Variants in SEMA3A observed in about 807,000 individuals in gnomAD.
SEMA3A encodes the protein semaphorin 3A, also known as semaphorin-3A.
SEMA3A carries 29 observed loss-of-function variants against 97.9 expected under a neutral mutation model. The ratio of observed to expected loss-of-function variants is 0.30; its 90% CI spans 0.22 to 0.40. The LOEUF is 0.40. Among genes scored for constraint, SEMA3A ranks in the 10% least tolerant of loss-of-function variants. The pLI is 1.00. For synonymous variants in SEMA3A, 321 were observed against 323.7 expected (o/e 0.99, Z 0.09); for missense variants, 763 against 951.3 (o/e 0.80, Z 2.60).
At chr7:84,059,215 G>GTT (rs1486262532) in intron 5 of SEMA3A, among the ~76,000 whole-genome samples, 1 of 152,128 alleles carries the variant, frequency 6.6e-6, no homozygotes, top group Non-Finnish European at 1.5e-5. Context: ...TAGGAAAATT[G>GTT]TAAGTGTGCT....
chr7:84,095,327 T>C (rs1013073592), intron 4 of SEMA3A, among the ~76,000 whole-genome samples: 3 of 142,306 alleles, frequency 2.1e-5, no homozygotes, highest in African/African-American at 7.8e-5. Flanking sequence ...TGGCATTATA[T>C]ATATTATATA....
chr7:84,267,944 T>G (rs1266139941), intron 3 of SEMA3A, among the ~76,000 whole-genome samples: 1 of 152,188 alleles, frequency 6.6e-6, no homozygotes, highest in Non-Finnish European at 1.5e-5. Flanking sequence ...ATTTCTACTT[T>G]TGTTTGTAAC....
rs569242754 is a variant in SEMA3A, at chr7:84,267,837, A to G, written c.-83+39370T>C. On this transcript the variant is annotated intron_variant, in intron 3 of 3. Transcript: ENST00000424555. ...TATTTTATATATAGCTATGAAGTTC[A>G]AGTTGTAATTTTAAGGCAGCAAAAC... is the stretch of plus-strand genomic sequence containing the variant. Among the ~76,000 whole-genome samples the G allele has an allele frequency of 2.0e-5, 3 of 152,278 alleles. No homozygotes were observed. In the East Asian group the frequency reaches 5.8e-4, roughly 29 times the overall value.
chr7:84,096,660 T>G (rs191455181), intron 4 of SEMA3A, among the ~76,000 whole-genome samples: 2 of 152,242 alleles, frequency 1.3e-5, no homozygotes, highest in South Asian at 2.1e-4. Flanking sequence ...TTTTTGTCAT[T>G]TATGTGTCAA....
chr7:84,059,427 A>T (rs1432079853), intron 5 of SEMA3A, among the ~76,000 whole-genome samples: 1 of 152,104 alleles, frequency 6.6e-6, no homozygotes, highest in Non-Finnish European at 1.5e-5. Flanking sequence ...ATATATCTTC[A>T]TGGTTAATAT....
At chr7:84,280,807 G>A (rs1800423121) in intron 3 of SEMA3A, among the ~76,000 whole-genome samples, 2 of 151,850 alleles carry the variant, frequency 1.3e-5, no homozygotes, top group South Asian at 4.1e-4. Context: ...TAAATAGGCT[G>A]TATAGAAATA....
chr7:84,309,048 C>T (rs1324904491), intron 2 of SEMA3A, among the ~76,000 whole-genome samples: 16 of 152,030 alleles, frequency 1.1e-4, no homozygotes, highest in Admixed American at 1.0e-3. Context: ...GAACTCCTAA[C>T]CTCAGGTGAT....
chr7:84,165,987 AT>A (rs1270544387), intron 1 of SEMA3A, among the ~76,000 whole-genome samples: 3 of 152,182 alleles, frequency 2.0e-5, no homozygotes, highest in African/African-American at 7.2e-5. Context: ...GAAAGATGAG[AT>A]AGAGCCAGGT....
intron 2 of SEMA3A, among the ~76,000 whole-genome samples, chr7:84,338,374 T>C (rs1802087781): frequency 6.6e-6 from 1 of 152,070 alleles, no homozygotes; most frequent in Non-Finnish European, 1.5e-5. Flanking sequence ...AGTTAAACCA[T>C]AAATTAATTA....
chr7:84,241,588 GTGTTT>G (rs1003958628), intron 3 of SEMA3A, among the ~76,000 whole-genome samples: 37 of 151,960 alleles, frequency 2.4e-4, no homozygotes, highest in Admixed American at 2.1e-3. Flanking sequence ...TTTTTTGTTT[GTGTTT>G]TGTTTGTTTG....
chr7:84,395,453 G>C (rs1375206862), intron 1 of SEMA3A, among the ~76,000 whole-genome samples: 1 of 151,926 alleles, frequency 6.6e-6, no homozygotes, highest in Non-Finnish European at 1.5e-5. Flanking sequence ...AAATAAACAT[G>C]TTGTTTATAT....
chr7:84,288,321 A>G (rs1044562627), intron 3 of SEMA3A, among the ~76,000 whole-genome samples: 2 of 152,174 alleles, frequency 1.3e-5, no homozygotes, highest in African/African-American at 4.8e-5. Context: ...AATTTATGCT[A>G]CCCAATTACA....
intron 9 of SEMA3A, among the ~76,000 whole-genome samples, chr7:84,009,905 C>CAAAA (rs3074687): frequency 9.8e-5 from 9 of 91,690 alleles, no homozygotes; most frequent in South Asian, 9.0e-4. Flanking sequence ...ACACTGGTTA[C>CAAAA]AAAAAAAAAA....
At chr7:84,066,098 A>T (rs1458131932) in intron 4 of SEMA3A, among the ~76,000 whole-genome samples, 3 of 151,562 alleles carry the variant, frequency 2.0e-5, no homozygotes, top group African/African-American at 7.3e-5. Flanking sequence ...CATCCCTGGG[A>T]TGCAAGGCTG....
At chr7:84,423,918 G>T (rs1306885377) in intron 1 of SEMA3A, among the ~76,000 whole-genome samples, 1 of 151,722 alleles carries the variant, frequency 6.6e-6, no homozygotes, top group Non-Finnish European at 1.5e-5. Context: ...ATTATCAGGG[G>T]AATGCAAATT....
At chr7:84,386,308 C>A (rs547302550) in intron 1 of SEMA3A, among the ~76,000 whole-genome samples, 7 of 152,142 alleles carry the variant, frequency 4.6e-5, no homozygotes, top group Non-Finnish European at 5.9e-5. Context: ...TCTTTGGGCA[C>A]TGTTTTTGCA....
At position 84,280,341 on chromosome 7, in the gene SEMA3A, T is replaced by G. The variant is rs184773649; in HGVS notation, c.-83+26866A>C. Among the ~76,000 whole-genome samples the G allele has an allele frequency of 2.4e-3, 362 of 152,302 alleles. 2 individuals carry two copies. The highest frequency in any genetic ancestry group is 8.5e-3 in the African/African-American group (353 of 41,580). ...CTCCTAAGCTAAACTATAAGATCTG[T>G]GATGGCAGGAAGCTTGTTGTAAAAG... is the stretch of plus-strand genomic sequence containing the variant. On this transcript the variant is annotated intron_variant, in intron 3 of 3. Transcript: ENST00000424555.
chr7:84,276,047 T>C (rs1800286152), intron 3 of SEMA3A, among the ~76,000 whole-genome samples: 1 of 152,084 alleles, frequency 6.6e-6, no homozygotes, highest in African/African-American at 2.4e-5. Flanking sequence ...GTGCCTCAAT[T>C]GATCTTCTCA....
At chr7:84,030,878 GTT>G (rs1791721638) in intron 6 of SEMA3A, among the ~76,000 whole-genome samples, 1 of 150,790 alleles carries the variant, frequency 6.6e-6, no homozygotes, top group Non-Finnish European at 1.5e-5. Context: ...TAAATATTAA[GTT>G]AATGAACTGA....
Sources: gnomAD v4.1 joint callset for allele counts (sites outside exome capture counted in the v4.1 genomes callset) on GRCh38, gnomAD v4.1.1 for gene constraint, MANE v1.5 for transcripts, NCBI Gene and HGNC (gene_info 2026-07-23, HGNC 2026-07-21) for gene names.